Variants in EIF3D observed in about 807,000 individuals in gnomAD.
EIF3D encodes the protein eukaryotic translation initiation factor 3 subunit D, also known as eIF3 p66.
In EIF3D, 10 loss-of-function variants were observed where a neutral mutation model predicts 75.4. That is an observed-to-expected ratio of 0.13 (90% confidence interval 0.08 to 0.22). EIF3D has a LOEUF of 0.22. Ranked by LOEUF, EIF3D falls within the 10% of genes least tolerant of loss-of-function variation. The pLI, the probability that EIF3D is intolerant of heterozygous loss-of-function variation, is 1.00. For missense variants in EIF3D, 394 were observed against 708.0 expected, an observed-to-expected ratio of 0.56 and a Z score of 5.03; for synonymous variants, 246 against 248.3, an observed-to-expected ratio of 0.99 and a Z score of 0.09.
Position 36,516,728 on chromosome 22 carries a change from A to G in EIF3D, c.1053T>C (p.Asn351=). 6.2e-7 allele frequency: 1 copy of G among 1,614,234 alleles called. No individual in the cohort carries two copies. Among genetic ancestry groups the G allele is most frequent in the Non-Finnish European group, 8.5e-7 (1 of 1,180,042 alleles). The change falls in exon 11 of 15, where the codon AAT becomes AAC. Residue 351 remains asparagine (N), a synonymous_variant. Transcript: ENST00000216190. ...ACCGGTACGCAACAGAGGCGATTTC[A>G]TTCTTATCCATGTCGTCCTCCACAA... ...NPFVEDDMDK[N]EIASVAYRYR...
chr22:36,511,877 G>A, intron 13 of EIF3D, 91 bp from the exon 14 acceptor site: 13 of 1,494,190 alleles, frequency 8.7e-6, no homozygotes, highest in Non-Finnish European at 1.2e-5. Flanking sequence ...GTGATACCTG[G>A]TCCACTGCTA....
intron 13 of EIF3D, 49 bp from the exon 14 acceptor site, chr22:36,511,835 A>G: frequency 1.9e-6 from 3 of 1,587,356 alleles, no homozygotes; most frequent in South Asian, 2.2e-5. Flanking sequence ...GCACAGAGAC[A>G]GCAACACTTG....
At chr22:36,527,429 C>T (rs947083166) in intron 1 of EIF3D, among the ~76,000 whole-genome samples, 7 of 152,218 alleles carry the variant, frequency 4.6e-5, no homozygotes, top group Non-Finnish European at 8.8e-5. Context: ...AAAAAACCGG[C>T]GCTGTATAGC....
chr22:36,519,685 G>T, intron 7 of EIF3D, 148 bp from the exon 8 acceptor site: 1 of 1,103,718 alleles, frequency 9.1e-7, no homozygotes, highest in Non-Finnish European at 1.3e-6. Context: ...AATCCTCAGT[G>T]CTTGCTCAGT....
At chr22:36,517,711 G>A (rs187397325) in intron 9 of EIF3D, among the ~76,000 whole-genome samples, 14 of 152,208 alleles carry the variant, frequency 9.2e-5, no homozygotes, top group African/African-American at 3.1e-4. Context: ...GATTTTGCAA[G>A]CTTTTTAATA....
Position 36,525,984 on chromosome 22 carries a change from C to G in EIF3D, c.123+15G>C. On this transcript the variant is annotated intron_variant, in intron 2 of 14. Coordinates refer to ENST00000216190, the MANE Select transcript of EIF3D (RefSeq NM_003753.4). ...ACAGCTGCAAAGATTCAGACTCCTG[C>G]TGACAGGCATGTACCTTTCCTAGCC... 6.3e-7 allele frequency: 1 copy of G among 1,594,828 alleles called. No homozygotes were observed. Among genetic ancestry groups the G allele is most frequent in the Non-Finnish European group, 8.5e-7 (1 of 1,170,644 alleles).
chr22:36,514,637 A>G (rs1212302582), intron 12 of EIF3D, among the ~76,000 whole-genome samples: 2 of 152,180 alleles, frequency 1.3e-5, no homozygotes, highest in African/African-American at 2.4e-5. Context: ...GGTGGCCTCT[A>G]GGAGCCAAGA....
intron 4 of EIF3D, 94 bp downstream of exon 4, chr22:36,524,502 C>G: frequency 6.4e-7 from 1 of 1,554,858 alleles, no homozygotes; most frequent in Non-Finnish European, 8.8e-7. Flanking sequence ...ATATGCTTCC[C>G]TCTCTCATTA....
intron 1 of EIF3D, among the ~76,000 whole-genome samples, chr22:36,527,457 T>G (rs16996880): frequency 0.012 from 1,812 of 152,298 alleles, 8 homozygotes; most frequent in Middle Eastern, 0.044. Flanking sequence ...TGCCCGACAC[T>G]TCTATAAAAA....
In EIF3D at chr22:36,529,141, G is replaced by A. The variant is rs952013643; in HGVS notation, c.-76C>T. 1.3e-5 allele frequency: 5 copies of A among 396,082 alleles called. No individual in the cohort carries two copies. The Admixed American group carries it at 1.3e-4, about 10-fold the overall frequency. The allele number at this position is 396,082 out of a possible 1,614,324, so 24.5% of individuals were successfully genotyped here. On this transcript the variant is annotated 5_prime_UTR_variant, in exon 1 of 15. Transcript: ENST00000216190. ...CGTGCCGGGGACCGCGTTAGCAGCA[G>A]CACTCTTGAGAAACCAGGAAAAGAG...
chr22:36,529,028 C>T, intron 1 of EIF3D, 48 bp downstream of exon 1: 1 of 364,588 alleles, frequency 2.7e-6, no homozygotes, highest in African/African-American at 2.1e-5. Flanking sequence ...GGACCTAGTC[C>T]GAACCGGCTC....
At chr22:36,523,689 G>C (rs891738605) in intron 5 of EIF3D, among the ~76,000 whole-genome samples, 1 of 152,126 alleles carries the variant, frequency 6.6e-6, no homozygotes, top group Admixed American at 6.5e-5. Context: ...CGCATGACCA[G>C]CACAAGGAGT....
At chr22:36,527,579 G>A (rs866410569) in intron 1 of EIF3D, among the ~76,000 whole-genome samples, 2 of 152,212 alleles carry the variant, frequency 1.3e-5, no homozygotes, top group Non-Finnish European at 2.9e-5. Flanking sequence ...GGTGGCTCAC[G>A]CCTGTAATCC....
At chr22:36,519,881 T>C (rs1308402018) in intron 7 of EIF3D, among the ~76,000 whole-genome samples, 6 of 152,198 alleles carry the variant, frequency 3.9e-5, no homozygotes, top group Non-Finnish European at 8.8e-5. Context: ...TACTTGTCCT[T>C]TGAGGTAAGA....
chr22:36,524,039 A>T, intron 4 of EIF3D, 59 bp from the exon 5 acceptor site: 1 of 1,549,210 alleles, frequency 6.5e-7, no homozygotes, highest in South Asian at 1.1e-5. Context: ...CACAATAGGC[A>T]GAACAAGTGG....
intron 3 of EIF3D, 39 bp downstream of exon 3, chr22:36,525,624 CA>C (rs1934586615): frequency 6.2e-7 from 1 of 1,604,994 alleles, no homozygotes; most frequent in East Asian, 2.2e-5. Flanking sequence ...ACAACTTTCC[CA>C]AGGCCCTGAT....
At chr22:36,522,061 T>C (rs906760571) in intron 6 of EIF3D, among the ~76,000 whole-genome samples, 1 of 151,274 alleles carries the variant, frequency 6.6e-6, no homozygotes, top group Non-Finnish European at 1.5e-5. Context: ...CAAACATGGA[T>C]TGAAAATACA....
chr22:36,526,181 T>C, intron 1 of EIF3D, 50 bp from the exon 2 acceptor site: 1 of 1,513,818 alleles, frequency 6.6e-7, no homozygotes, highest in Non-Finnish European at 8.9e-7. Context: ...GGCCTCAGAG[T>C]ACAAAACACC....
intron 12 of EIF3D, among the ~76,000 whole-genome samples, chr22:36,514,552 G>C (rs1934393583): frequency 1.4e-5 from 2 of 143,578 alleles, no homozygotes; most frequent in African/African-American, 5.2e-5. Context: ...GGAAGTCAGA[G>C]ATCTGAAGCA....
Sources: gnomAD v4.1 joint callset for allele counts (sites outside exome capture counted in the v4.1 genomes callset) on GRCh38, gnomAD v4.1.1 for gene constraint, MANE v1.5 for transcripts, NCBI Gene and HGNC (gene_info 2026-07-23, HGNC 2026-07-21) for gene names.